CAPG: variants seen among roughly 807,000 people sequenced by gnomAD.
CAPG encodes macrophage-capping protein.
CAPG carries 32 observed loss-of-function variants against 44.6 expected under a neutral mutation model. The observed-to-expected ratio is 0.72, with a 90% CI of 0.54 to 0.96. CAPG has a LOEUF of 0.96. Among genes scored for constraint, CAPG ranks in the 50% least tolerant of loss-of-function variants. The pLI is 0.00. For synonymous variants in CAPG, 175 were observed against 179.6 expected (o/e 0.97, Z 0.20); for missense variants, 412 against 438.3 (o/e 0.94, Z 0.54).
upstream of CAPG, among the ~76,000 whole-genome samples, chr2:85,414,725 C>T (rs529384840): frequency 6.6e-6 from 1 of 152,240 alleles, no homozygotes; most frequent in East Asian, 1.9e-4. Flanking sequence ...AGCCACCGCA[C>T]CCAACTGCTG....
At chr2:85,398,854 G>T in intron 6 of CAPG, 72 bp from the exon 7 acceptor site, 1 of 1,223,574 alleles carries the variant, frequency 8.2e-7, no homozygotes, top group Non-Finnish European at 1.1e-6. Context: ...CATGCCCAGG[G>T]CCACTGCTTC....
At position 85,401,541 on chromosome 2, in the gene CAPG, GC is replaced by G. The variant is rs1207978490; in HGVS notation, c.338del (p.Gly113AlafsTer30). ...GGTGGGCTCTGACCTGGTACTTGAGGCCCCGTGGGAAGTAGCTCATGAAGAG... is the reference window on the plus strand; with the variant it reads ...GGTGGGCTCTGACCTGGTACTTGAGGCCCGTGGGAAGTAGCTCATGAAGAG... ...SDLFMSYFPR[G>X]LKYQEGGVES... On this transcript the variant is annotated frameshift_variant, in exon 4 of 10. Transcript: ENST00000263867. LOFTEE classifies it high-confidence loss of function. The G allele has an allele frequency of 1.9e-6, 3 of 1,614,014 alleles. No individual in the cohort carries two copies. The African/African-American group carries it at 4.0e-5, about 22-fold the overall frequency.
downstream of CAPG, chr2:85,394,644 G>A (rs1455650758): frequency 9.0e-6 from 5 of 556,560 alleles, no homozygotes; most frequent in Admixed American, 6.2e-5. Flanking sequence ...AGCAGCTCTG[G>A]CCCCTCCAAG....
chr2:85,391,832 C>T (rs955794912), downstream of CAPG: 12 of 152,644 alleles, frequency 7.9e-5, no homozygotes, highest in African/African-American at 2.7e-4. Flanking sequence ...TAGAGCCAGG[C>T]ACACCTAAGG....
chr2:85,413,420 T>C (rs1373110812), upstream of CAPG, among the ~76,000 whole-genome samples: 1 of 152,056 alleles, frequency 6.6e-6, no homozygotes, highest in Admixed American at 6.5e-5. Context: ...TCTCTACTAA[T>C]AATACAAAAA....
chr2:85,407,516 C>T (rs1687214419), intron 1 of CAPG, among the ~76,000 whole-genome samples: 1 of 151,776 alleles, frequency 6.6e-6, no homozygotes, highest in Non-Finnish European at 1.5e-5. Flanking sequence ...AGTTCAAGAC[C>T]AGCCTGGGCA....
At chr2:85,407,156 C>G (rs1319578484) in intron 1 of CAPG, among the ~76,000 whole-genome samples, 2 of 151,990 alleles carry the variant, frequency 1.3e-5, no homozygotes, top group Non-Finnish European at 2.9e-5. Flanking sequence ...GTCTTGAACT[C>G]CTGACCTCCA....
intron 1 of CAPG, among the ~76,000 whole-genome samples, chr2:85,418,093 C>T (rs928836194): frequency 6.6e-6 from 1 of 152,124 alleles, no homozygotes; most frequent in Non-Finnish European, 1.5e-5. Context: ...TGTGCAGAGC[C>T]AGTCCTGGGC....
chr2:85,409,122 C>T (rs1180046586), intron 1 of CAPG, among the ~76,000 whole-genome samples: 1 of 152,192 alleles, frequency 6.6e-6, no homozygotes, highest in Non-Finnish European at 1.5e-5. Context: ...GTGTATTTTG[C>T]CTCTGGATCT....
intron 1 of CAPG, among the ~76,000 whole-genome samples, chr2:85,417,477 CTTTTTTTTTTT>C (rs1242085864): frequency 9.9e-6 from 1 of 101,054 alleles, no homozygotes; most frequent in East Asian, 2.6e-4. Flanking sequence ...TATCTCAGCT[CTTTTTTTTTTT>C]TTTTTTTTTT....
chr2:85,415,873 AGGGTCTCACTCTGT>A (rs1687539885), intron 1 of CAPG, among the ~76,000 whole-genome samples: 1 of 151,956 alleles, frequency 6.6e-6, no homozygotes, highest in Non-Finnish European at 1.5e-5. Context: ...TTTAAGAGAC[AGGGTCTCACTCTGT>A]CACCTAGGCT....
chr2:85,400,653 G>A (rs1233761519), intron 5 of CAPG, among the ~76,000 whole-genome samples: 1 of 152,092 alleles, frequency 6.6e-6, no homozygotes, highest in Non-Finnish European at 1.5e-5. Flanking sequence ...CCCTCCTATA[G>A]GTCTAGTCCA....
intron 1 of CAPG, among the ~76,000 whole-genome samples, chr2:85,403,277 A>G (rs920666911): frequency 7.9e-5 from 12 of 152,336 alleles, no homozygotes; most frequent in Admixed American, 2.6e-4. Context: ...TCAAAGACAC[A>G]AATTATGAAA....
At position 85,398,369 on chromosome 2, in the gene CAPG, C is replaced by T. The variant is rs2271626; in HGVS notation, c.760-217G>A. On this transcript the variant is annotated intron_variant, in intron 7 of 9. Coordinates refer to ENST00000263867, the MANE Select transcript of CAPG (RefSeq NM_001747.4). ...CCCAATCCCTGCAGCACAGGGGCCC[C>T]GAACCCATTTGGAAATTAGGTGGAT... The T allele has an allele frequency of 5.1e-5, 31 of 602,324 alleles. No homozygotes were observed. The East Asian group carries it at 7.4e-4, about 14-fold the overall frequency. The allele number at this position is 602,324 out of a possible 1,614,324, so 37.3% of individuals were successfully genotyped here.
chr2:85,401,129 C>T (rs776811032), intron 5 of CAPG, 36 bp downstream of exon 5: 2 of 1,601,302 alleles, frequency 1.2e-6, no homozygotes, highest in South Asian at 2.2e-5. Flanking sequence ...AAGGATGGTG[C>T]CAATACGGAG....
Position 85,401,622 on chromosome 2 carries a change from C to G in CAPG, c.258G>C (p.Thr86=), listed in dbSNP as rs2229669. The change falls in exon 4 of 10, where the codon ACG becomes ACC. Residue 86 remains threonine, a synonymous_variant. Coordinates refer to ENST00000263867, the MANE Select transcript of CAPG (RefSeq NM_001747.4). ...ACAVLAVHLN[T]LLGERPVQHR... ...GCTGCACAGGCCGCTCTCCCAGCAG[C>G]GTGTTGAGGTGCACAGCCAGCACGG... The G allele has an allele frequency of 1.1e-5, 18 of 1,613,998 alleles. No homozygotes were observed. The South Asian group carries it at 1.5e-4, about 14-fold the overall frequency.
At chr2:85,414,097 T>G (rs573120418), upstream of CAPG, 77 of 152,398 alleles carry the variant, frequency 5.1e-4, no homozygotes, top group African/African-American at 1.6e-3. Flanking sequence ...CCGGCCGGTC[T>G]GAGCTGGCGG....
intron 1 of CAPG, among the ~76,000 whole-genome samples, chr2:85,404,845 A>ATC (rs1687072530): frequency 6.6e-6 from 1 of 151,926 alleles, no homozygotes; most frequent in African/African-American, 2.4e-5. Context: ...CTGAGGAGTG[A>ATC]GTATCGCTTG....
downstream of CAPG, among the ~76,000 whole-genome samples, chr2:85,393,531 G>A (rs1050697361): frequency 3.3e-5 from 5 of 152,030 alleles, no homozygotes; most frequent in Admixed American, 1.3e-4. Context: ...AGTCTATGGA[G>A]AAGACATGGA....
Sources: gnomAD v4.1 joint callset for allele counts (sites outside exome capture counted in the v4.1 genomes callset) on GRCh38, gnomAD v4.1.1 for gene constraint, MANE v1.5 for transcripts, NCBI Gene and HGNC (gene_info 2026-07-23, HGNC 2026-07-21) for gene names.